CSMD1: variants seen among roughly 807,000 people sequenced by gnomAD.
CSMD1 encodes the protein CUB and Sushi multiple domains 1, also known as CUB and sushi domain-containing protein 1.
Under a neutral mutation model 417.5 loss-of-function variants are expected in CSMD1, and 213 were observed. The observed-to-expected ratio is 0.51, with a 90% CI of 0.46 to 0.57. CSMD1 has a LOEUF of 0.57. Ranked by LOEUF, CSMD1 falls within the 20% of genes least tolerant of loss-of-function variation. CSMD1 has a pLI of 0.00. For synonymous variants in CSMD1, 2,862 were observed against 1,736.8 expected (o/e 1.65, Z -16.11); for missense variants, 6,923 against 4,529.7 (o/e 1.53, Z -15.17).
At chr8:4,405,121 G>A (rs1365459825) in intron 3 of CSMD1, among the ~76,000 whole-genome samples, 1 of 152,172 alleles carries the variant, frequency 6.6e-6, no homozygotes, top group Non-Finnish European at 1.5e-5. Context: ...TATTGCCTTA[G>A]CATTGGTTAT....
rs1391832868 is a variant in CSMD1 at position 3,966,827 on chromosome 8, AT to A, written c.818+31075del. 2.4e-4 allele frequency among the ~76,000 whole-genome samples: 36 copies of A among 152,292 alleles called. No homozygotes were observed. In the East Asian group the frequency reaches 6.6e-3, roughly 28 times the overall value. On this transcript the variant is annotated intron_variant, in intron 5 of 69. Transcript: ENST00000635120. ...AAGAAATAATGTATTTTCTATTTTA[AT>A]CAATTCTGTACAGACACTAAGCTCT...
At chr8:4,494,146 A>T (rs1384171716) in intron 2 of CSMD1, among the ~76,000 whole-genome samples, 1 of 152,202 alleles carries the variant, frequency 6.6e-6, no homozygotes, top group Non-Finnish European at 1.5e-5. Context: ...CTGGGGTAAG[A>T]TATTGTTGTT....
At chr8:4,917,961 TTTAGTAGAGTGAGTA>T (rs1806182900) in intron 1 of CSMD1, among the ~76,000 whole-genome samples, 1 of 152,184 alleles carries the variant, frequency 6.6e-6, no homozygotes, top group East Asian at 1.9e-4. Context: ...CTAAGGTCTA[TTTAGTAGAGTGAGTA>T]TTGTTACTGT....
intron 1 of CSMD1, among the ~76,000 whole-genome samples, chr8:4,939,735 A>G (rs1271446198): frequency 1.3e-5 from 2 of 152,198 alleles, no homozygotes; most frequent in African/African-American, 2.4e-5. Flanking sequence ...TGTACAGCAC[A>G]GAGAGTACGT....
chr8:4,063,622 C>T (rs1799094492), intron 3 of CSMD1, among the ~76,000 whole-genome samples: 4 of 152,212 alleles, frequency 2.6e-5, no homozygotes, highest in Admixed American at 2.6e-4. Flanking sequence ...AGTTCAGCGG[C>T]TTCCAGCAGT....
intron 10 of CSMD1, among the ~76,000 whole-genome samples, chr8:3,570,158 CAT>C (rs1799885213): frequency 6.6e-6 from 1 of 152,152 alleles, no homozygotes; most frequent in Non-Finnish European, 1.5e-5. Context: ...AAAGAACATA[CAT>C]CATGAGTTTT....
intron 3 of CSMD1, among the ~76,000 whole-genome samples, chr8:4,256,283 T>G (rs971876455): frequency 5.9e-5 from 9 of 152,196 alleles, no homozygotes; most frequent in African/African-American, 2.2e-4. Context: ...TCACGATGCT[T>G]ATGATGCAGA....
chr8:4,827,982 A>C (rs1208014709), intron 1 of CSMD1, among the ~76,000 whole-genome samples: 1 of 152,230 alleles, frequency 6.6e-6, no homozygotes, highest in Non-Finnish European at 1.5e-5. Flanking sequence ...TTTAACCATC[A>C]CATAATAAAC....
chr8:3,796,004 G>A (rs1414069299), intron 5 of CSMD1, among the ~76,000 whole-genome samples: 1 of 58,030 alleles, frequency 1.7e-5, no homozygotes. Context: ...TATCTATCAT[G>A]TATATAGATA....
intron 1 of CSMD1, among the ~76,000 whole-genome samples, chr8:4,688,471 G>C (rs906116837): frequency 6.6e-6 from 1 of 152,108 alleles, no homozygotes; most frequent in Non-Finnish European, 1.5e-5. Flanking sequence ...GCAGGCGTAA[G>C]CACTTGTATG....
chr8:4,672,131 C>G (rs552420843), intron 1 of CSMD1, among the ~76,000 whole-genome samples: 1 of 152,240 alleles, frequency 6.6e-6, no homozygotes, highest in African/African-American at 2.4e-5. Flanking sequence ...CTTCCCATTG[C>G]ATGAGGCTCT....
intron 3 of CSMD1, among the ~76,000 whole-genome samples, chr8:4,173,215 CAAT>C (rs1389243505): frequency 6.6e-6 from 1 of 152,058 alleles, no homozygotes; most frequent in Admixed American, 6.6e-5. Context: ...GATAAACGAC[CAAT>C]AACTCTTTAA....
intron 39 of CSMD1, among the ~76,000 whole-genome samples, chr8:3,153,282 C>A (rs111368737): frequency 1.3e-5 from 2 of 152,328 alleles, no homozygotes; most frequent in African/African-American, 4.8e-5. Flanking sequence ...GCATGAATAA[C>A]CCACCGCTTG....
rs1270080970 is a variant in CSMD1, at chr8:3,509,200, C to G, written c.1345-15474G>C. Among the ~76,000 whole-genome samples the G allele has an allele frequency of 3.3e-5, 5 of 152,162 alleles. No homozygotes were observed. The South Asian group carries it at 8.3e-4, about 25-fold the overall frequency. Reference sequence around the variant, plus strand: ...CAAGAAAGTGATTGGTTTCGGAAATCTGGGCAATTAGAGAAACAATATTAT... The same window carrying G: ...CAAGAAAGTGATTGGTTTCGGAAATGTGGGCAATTAGAGAAACAATATTAT... On this transcript the variant is annotated intron_variant, in intron 10 of 69. Coordinates refer to ENST00000635120, the MANE Select transcript of CSMD1 (RefSeq NM_033225.6).
chr8:4,828,682 G>A (rs187396559), intron 1 of CSMD1, among the ~76,000 whole-genome samples: 4 of 152,196 alleles, frequency 2.6e-5, no homozygotes, highest in Admixed American at 1.3e-4. Flanking sequence ...CCAGAGCCCA[G>A]GTGTGTAAAA....
intron 6 of CSMD1, among the ~76,000 whole-genome samples, chr8:3,743,397 T>C (rs1005445974): frequency 6.6e-6 from 1 of 152,236 alleles, no homozygotes; most frequent in Non-Finnish European, 1.5e-5. Flanking sequence ...CTGCATTGCG[T>C]GGAATAGTGT....
chr8:4,525,260 G>C (rs1220751108), intron 2 of CSMD1, among the ~76,000 whole-genome samples: 5 of 152,148 alleles, frequency 3.3e-5, no homozygotes, highest in African/African-American at 1.2e-4. Context: ...CGAACAGAGA[G>C]GAAAGGAAAG....
At chr8:3,238,995 T>A (rs1195913600) in intron 26 of CSMD1, among the ~76,000 whole-genome samples, 2 of 151,996 alleles carry the variant, frequency 1.3e-5, no homozygotes, top group African/African-American at 4.8e-5. Flanking sequence ...ACAGTCAAAG[T>A]TGGTGTGGTG....
At chr8:3,243,290 G>A (rs779178210) in intron 26 of CSMD1, among the ~76,000 whole-genome samples, 2 of 152,120 alleles carry the variant, frequency 1.3e-5, no homozygotes, top group Admixed American at 6.5e-5. Context: ...TCCCAAGGGA[G>A]GTCCCCCGAT....
Sources: allele counts gnomAD v4.1 joint callset (sites outside exome capture counted in the v4.1 genomes callset), GRCh38; gene constraint gnomAD v4.1.1; transcripts MANE v1.5; gene names NCBI Gene and HGNC (gene_info 2026-07-23, HGNC 2026-07-21).